The following AMD1 variants were observed in gnomAD, a reference collection of about 807,000 sequenced individuals.
The protein encoded by AMD1 is S-adenosylmethionine decarboxylase proenzyme.
Under a neutral mutation model 40.2 loss-of-function variants are expected in AMD1, and 11 were observed. The observed-to-expected ratio is 0.27, with a 90% CI of 0.17 to 0.45. AMD1 has a LOEUF of 0.45. Among genes scored for constraint, AMD1 ranks in the 20% least tolerant of loss-of-function variants. AMD1 has a pLI of 1.00. For missense variants in AMD1, 257 were observed against 410.2 expected (o/e 0.63, Z 3.23); for synonymous variants, 121 against 130.8 (o/e 0.93, Z 0.51).
In AMD1 at chr6:110,893,077, T is replaced by A. The variant is rs373055684; in HGVS notation, c.864+12T>A. On this transcript the variant is annotated intron_variant, in intron 8 of 8. Transcript: ENST00000368885. ...TGTTTGTTAATCAGGTAATTTTATA[T>A]TTTATTATTAATCAGGTTATTTGAT... 6 of 1,581,128 alleles carry A rather than the reference T, an allele frequency of 3.8e-6. No individual in the cohort carries two copies. Among genetic ancestry groups the A allele is most frequent in the East Asian group, 2.2e-5 (1 of 44,620 alleles).
chr6:110,836,012 CAAAAAAAAAA>C, the AMD1 span, among the ~76,000 whole-genome samples: 6 of 60,756 alleles, frequency 9.9e-5, no homozygotes, highest in African/African-American at 1.8e-4. Flanking sequence ...GACCTTGACT[CAAAAAAAAAA>C]AAAAAAAAAA....
chr6:110,838,010 A>G, the AMD1 span, among the ~76,000 whole-genome samples: 1 of 147,710 alleles, frequency 6.8e-6, no homozygotes, highest in Non-Finnish European at 1.5e-5. Flanking sequence ...GGCAGTGAGC[A>G]GAGATTGTAT....
chr6:110,834,793 A>G, the AMD1 span, among the ~76,000 whole-genome samples: 1 of 151,656 alleles, frequency 6.6e-6, no homozygotes, highest in Admixed American at 6.6e-5. Flanking sequence ...CCCAGCTAAT[A>G]CAAAAATTAG....
the AMD1 span, chr6:110,858,678 C>G: frequency 9.7e-7 from 1 of 1,032,500 alleles, no homozygotes; most frequent in East Asian, 2.5e-5. Context: ...CTTAAGTACT[C>G]GGAGAAGCAG....
the AMD1 span, among the ~76,000 whole-genome samples, chr6:110,841,815 A>T: frequency 1.2e-3 from 186 of 150,208 alleles, no homozygotes; most frequent in African/African-American, 4.3e-3. Flanking sequence ...TTATTTATTT[A>T]TTTTTTAGAT....
the AMD1 span, among the ~76,000 whole-genome samples, chr6:110,844,637 C>T: frequency 2.6e-5 from 4 of 151,324 alleles, no homozygotes; most frequent in African/African-American, 4.9e-5. Flanking sequence ...AAAAATTAGC[C>T]GGGTGTGGTG....
chr6:110,825,921 A>G, the AMD1 span, among the ~76,000 whole-genome samples: 1 of 152,094 alleles, frequency 6.6e-6, no homozygotes, highest in South Asian at 2.1e-4. Flanking sequence ...TAATCCCAAC[A>G]TTTTGGGAGA....
the AMD1 span, chr6:110,815,226 T>TC: frequency 6.4e-5 from 77 of 1,197,424 alleles, no homozygotes; most frequent in Non-Finnish European, 7.9e-5. Context: ...GCTCCACTTC[T>TC]CCAACAGCCG....
At chr6:110,816,351 TTTAG>T in the AMD1 span, among the ~76,000 whole-genome samples, 5 of 152,226 alleles carry the variant, frequency 3.3e-5, no homozygotes, top group Non-Finnish European at 5.9e-5. Context: ...AGAAAGCCCC[TTTAG>T]TTAGGGTGAA....
chr6:110,837,745 AAT>A, the AMD1 span, among the ~76,000 whole-genome samples: 1,066 of 17,796 alleles, frequency 0.06, 39 homozygotes, highest in Middle Eastern at 0.14. Flanking sequence ...AAAAAAAAAA[AAT>A]ATATATATAT....
At chr6:110,891,828 C>T (rs531621643) in intron 4 of AMD1, 6 of 286,458 alleles carry the variant, frequency 2.1e-5, no homozygotes, top group Non-Finnish European at 2.7e-5. Flanking sequence ...CTGCAACCTC[C>T]GCCTCCCGGG....
intron 1 of AMD1, among the ~76,000 whole-genome samples, chr6:110,879,010 G>C (rs1424374074): frequency 6.6e-6 from 1 of 152,100 alleles, no homozygotes; most frequent in East Asian, 1.9e-4. Flanking sequence ...ATGTTTCAGA[G>C]TAGAAATGCT....
chr6:110,830,457 A>G, the AMD1 span, among the ~76,000 whole-genome samples: 1 of 152,232 alleles, frequency 6.6e-6, no homozygotes, highest in East Asian at 1.9e-4. Context: ...GCATTCCTCC[A>G]TAAGACATGC....
chr6:110,863,371 C>CT, the AMD1 span, among the ~76,000 whole-genome samples: 11,989 of 127,764 alleles, frequency 0.094, 564 homozygotes, highest in Middle Eastern at 0.11. Flanking sequence ...ATTCTGCTTG[C>CT]TTTTTTTTTT....
At position 110,887,509 on chromosome 6, in the gene AMD1, G is replaced by C. The variant is rs763434970; in HGVS notation, c.115G>C (p.Glu39Gln). The C allele has an allele frequency of 6.2e-7, 1 of 1,603,426 alleles. No homozygotes were observed. Among genetic ancestry groups the C allele is most frequent in the African/African-American group, 1.3e-5 (1 of 74,426 alleles). Residue 39 changes from glutamate to glutamine, a missense_variant, in exon 2 of 9, where the codon GAG becomes CAG. Coordinates refer to ENST00000368885, the MANE Select transcript of AMD1 (RefSeq NM_001634.6). ...AACTTTTTTGTTAAATGATAGATCT[G>C]AGTGGGACATACTTTTGAAGGATGT... ...SGDLRTIPRS[E>Q]WDILLKDVQC...
the AMD1 span, among the ~76,000 whole-genome samples, chr6:110,861,128 G>C: frequency 1.4e-4 from 22 of 152,282 alleles, no homozygotes; most frequent in East Asian, 4.1e-3. Flanking sequence ...GGAGGCCAAG[G>C]TGGGCGGATC....
At chr6:110,830,387 G>A in the AMD1 span, among the ~76,000 whole-genome samples, 14 of 152,126 alleles carry the variant, frequency 9.2e-5, no homozygotes, top group African/African-American at 1.4e-4. Context: ...TCAGGTCGGA[G>A]GCAGGACTCA....
intron 1 of AMD1, among the ~76,000 whole-genome samples, chr6:110,880,379 A>G (rs1409379480): frequency 6.6e-6 from 1 of 152,186 alleles, no homozygotes; most frequent in Non-Finnish European, 1.5e-5. Flanking sequence ...TTAGGTTTTC[A>G]AGTTCCATTT....
intron 2 of AMD1, 61 bp downstream of exon 2, chr6:110,887,652 G>A: frequency 1.7e-6 from 2 of 1,198,614 alleles, no homozygotes; most frequent in Non-Finnish European, 2.3e-6. Context: ...ATGTGAAACA[G>A]TTAAGTTCCT....
Sources: allele counts gnomAD v4.1 joint callset (sites outside exome capture counted in the v4.1 genomes callset), GRCh38; gene constraint gnomAD v4.1.1; transcripts MANE v1.5; gene names NCBI Gene and HGNC (gene_info 2026-07-23, HGNC 2026-07-21).